CCSER1: variants seen among roughly 807,000 people sequenced by gnomAD.
CCSER1 encodes the protein coiled-coil serine rich protein 1, also known as serine-rich coiled-coil domain-containing protein 1.
CCSER1 carries 41 observed loss-of-function variants against 82.0 expected under a neutral mutation model. The observed-to-expected ratio is 0.50, with a 90% CI of 0.39 to 0.65. The LOEUF (loss-of-function observed/expected upper bound fraction) is 0.65. CCSER1 is among the 30% of genes least tolerant of loss of function. CCSER1 has a pLI of 0.00. For missense variants in CCSER1, 1,119 were observed against 1,064.2 expected, an observed-to-expected ratio of 1.05 and a Z score of -0.72; for synonymous variants, 414 against 383.9, an observed-to-expected ratio of 1.08 and a Z score of -0.92.
At chr4:91,459,749 C>A (rs992369816) in intron 10 of CCSER1, among the ~76,000 whole-genome samples, 5 of 152,142 alleles carry the variant, frequency 3.3e-5, no homozygotes, top group African/African-American at 9.7e-5. Flanking sequence ...GTGGCCTTAA[C>A]ATTGAATTCT....
chr4:90,168,511 TA>T (rs1730964520), intron 1 of CCSER1, among the ~76,000 whole-genome samples: 1 of 152,226 alleles, frequency 6.6e-6, no homozygotes, highest in African/African-American at 2.4e-5. Flanking sequence ...TAGCTTTTGT[TA>T]CCATTGCTTT....
chr4:90,136,821 G>T (rs188671400), intron 1 of CCSER1, among the ~76,000 whole-genome samples: 2 of 152,128 alleles, frequency 1.3e-5, no homozygotes, highest in Non-Finnish European at 2.9e-5. Context: ...GGAAAAGCTC[G>T]AAGTGAGAAA....
chr4:90,877,441 A>C (rs529120380), intron 8 of CCSER1, among the ~76,000 whole-genome samples: 1 of 152,264 alleles, frequency 6.6e-6, no homozygotes, highest in East Asian at 1.9e-4. Flanking sequence ...ACAGTAGAGA[A>C]AGCTGAATAT....
intron 3 of CCSER1, among the ~76,000 whole-genome samples, chr4:90,352,980 T>TGAGCTAA (rs1743767118): frequency 8.3e-6 from 1 of 121,012 alleles, no homozygotes; most frequent in Admixed American, 8.0e-5. Flanking sequence ...CAGAGCTATT[T>TGAGCTAA]TAGGAACTGA....
intron 10 of CCSER1, among the ~76,000 whole-genome samples, chr4:91,443,254 A>C (rs1310744295): frequency 6.6e-6 from 1 of 152,162 alleles, no homozygotes. Flanking sequence ...CTGGATTAAG[A>C]AAATGTGGCA....
Position 91,379,647 on chromosome 4 carries a change from T to C in CCSER1, c.2218-218925T>C, listed in dbSNP as rs553183090. ...ATCTACTTGATTCTTCTCTCTGCTTTATTCATCTTGCTAGTGGTCTATCAT... is the reference window on the plus strand; with the variant it reads ...ATCTACTTGATTCTTCTCTCTGCTTCATTCATCTTGCTAGTGGTCTATCAT... On this transcript the variant is annotated intron_variant, in intron 10 of 10. Transcript: ENST00000509176. Among the ~76,000 whole-genome samples, 17 of 152,328 alleles carry C rather than the reference T, an allele frequency of 1.1e-4. 1 individual carries two copies. In the South Asian group the frequency reaches 3.3e-3, roughly 30 times the overall value.
chr4:90,158,398 C>G (rs981993668), intron 1 of CCSER1, among the ~76,000 whole-genome samples: 10 of 152,204 alleles, frequency 6.6e-5, no homozygotes, highest in African/African-American at 2.4e-4. Flanking sequence ...AACCACTGCT[C>G]TCCTCAAAGC....
rs58335493 is a variant in CCSER1, at chr4:91,034,982, T to C, written c.2173-50968T>C. Among the ~76,000 whole-genome samples the C allele has an allele frequency of 9.2e-3, 1,404 of 152,240 alleles. 19 individuals are homozygous for C. The highest frequency in any genetic ancestry group is 0.033 in the African/African-American group (1,353 of 41,546). ...GATGACAAAGCCTGGGCAAAACACATGTATGTGCATGCATTTATGTATGTG... is the reference window on the plus strand; with the variant it reads ...GATGACAAAGCCTGGGCAAAACACACGTATGTGCATGCATTTATGTATGTG... On this transcript the variant is annotated intron_variant, in intron 9 of 10. Transcript: ENST00000509176.
intron 3 of CCSER1, among the ~76,000 whole-genome samples, chr4:90,388,131 T>A (rs575658086): frequency 1.3e-5 from 2 of 152,312 alleles, no homozygotes; most frequent in South Asian, 4.1e-4. Flanking sequence ...TTTCATTTTA[T>A]GGAAAAGCAT....
intron 7 of CCSER1, among the ~76,000 whole-genome samples, chr4:90,774,310 T>A (rs540881136): frequency 6.6e-6 from 1 of 152,284 alleles, no homozygotes; most frequent in East Asian, 1.9e-4. Flanking sequence ...TGTTTAGATT[T>A]GCTTCCTTAG....
rs1332036772 is a variant in CCSER1, at chr4:91,219,168, T to C, written c.2217+133174T>C. 2.0e-5 allele frequency among the ~76,000 whole-genome samples: 3 copies of C among 152,150 alleles called. No individual in the cohort carries two copies. The East Asian group carries it at 5.8e-4, about 29-fold the overall frequency. On this transcript the variant is annotated intron_variant, in intron 10 of 10. Coordinates refer to ENST00000509176, the MANE Select transcript of CCSER1 (RefSeq NM_001145065.2). The stretch of plus-strand genomic sequence containing the variant: ...AGTTTCTTAAATTTATTCTAATCAT[T>C]CCTCAAAAACACATCTCAAAATTCA...
chr4:90,934,023 G>A (rs764548073), intron 9 of CCSER1, among the ~76,000 whole-genome samples: 3 of 151,636 alleles, frequency 2.0e-5, no homozygotes, highest in Admixed American at 6.6e-5. Context: ...CCTAGCAATG[G>A]TATCTCTAGA....
chr4:90,566,580 G>T (rs952200732), intron 5 of CCSER1, among the ~76,000 whole-genome samples: 1 of 150,244 alleles, frequency 6.7e-6, no homozygotes, highest in African/African-American at 2.5e-5. Context: ...TCATTTTGTT[G>T]GTGTAGAATT....
intron 1 of CCSER1, among the ~76,000 whole-genome samples, chr4:90,286,992 C>T (rs1162782656): frequency 6.6e-6 from 1 of 151,796 alleles, no homozygotes; most frequent in African/African-American, 2.4e-5. Context: ...GACACATTTG[C>T]CTCAGGTTGC....
intron 3 of CCSER1, among the ~76,000 whole-genome samples, chr4:90,397,678 C>G (rs1277753211): frequency 6.6e-6 from 1 of 152,088 alleles, no homozygotes; most frequent in East Asian, 1.9e-4. Context: ...GCTTTGGTCA[C>G]CAAGTTTGGT....
At position 90,839,692 on chromosome 4, in the gene CCSER1, CT is replaced by C. The variant is rs533389280; in HGVS notation, c.2094+23851del. Among the ~76,000 whole-genome samples, 108 of 152,278 alleles carry C rather than the reference CT, an allele frequency of 7.1e-4. No homozygotes were observed. The South Asian group carries it at 0.022, about 31-fold the overall frequency. On this transcript the variant is annotated intron_variant, in intron 8 of 10. Coordinates refer to ENST00000509176, the MANE Select transcript of CCSER1 (RefSeq NM_001145065.2). ...AAAGGCTGAGCTTTCATATTTCATC[CT>C]TTTGCCCAATCTTACCAAGTAGTTA...
chr4:90,872,111 A>C (rs917694225), intron 8 of CCSER1, among the ~76,000 whole-genome samples: 1 of 151,816 alleles, frequency 6.6e-6, no homozygotes, highest in East Asian at 1.9e-4. Context: ...TTTAAAAAAA[A>C]ATCCATTCAG....
intron 9 of CCSER1, among the ~76,000 whole-genome samples, chr4:90,993,333 C>T (rs1031445761): frequency 2.6e-5 from 4 of 151,864 alleles, no homozygotes; most frequent in Admixed American, 6.6e-5. Flanking sequence ...TAATTATTCT[C>T]GGGTGGAACT....
rs1418171971 is a variant in CCSER1 at position 90,438,796 on chromosome 4, C to CTATCTATCTATT, written c.1604-29427_1604-29426insTTATCTATCTAT. Among the ~76,000 whole-genome samples, 21 of 152,116 alleles carry CTATCTATCTATT rather than the reference C, an allele frequency of 1.4e-4. 1 individual carries two copies. The East Asian group carries it at 1.7e-3, about 13-fold the overall frequency. On this transcript the variant is annotated intron_variant, in intron 4 of 10. Coordinates refer to ENST00000509176, the MANE Select transcript of CCSER1 (RefSeq NM_001145065.2). ...ATCTTCTATCTATCTATCTATCTAT[C>CTATCTATCTATT]TATCTATCTATCTACTTTCTGTCAG... is the stretch of plus-strand genomic sequence containing the variant.
Sources: gnomAD v4.1 joint callset for allele counts (sites outside exome capture counted in the v4.1 genomes callset) on GRCh38, gnomAD v4.1.1 for gene constraint, MANE v1.5 for transcripts, NCBI Gene and HGNC (gene_info 2026-07-23, HGNC 2026-07-21) for gene names.